The following TTC39B variants were observed in gnomAD, a reference collection of about 807,000 sequenced individuals.
TTC39B encodes the protein tetratricopeptide repeat protein 39B.
In TTC39B, 92 loss-of-function variants were observed where a neutral mutation model predicts 96.6. That is an observed-to-expected ratio of 0.95 (90% CI 0.80 to 1.13). The LOEUF (loss-of-function observed/expected upper bound fraction) is 1.13, where lower values mean the gene tolerates loss of function less well. TTC39B is among the 50% of genes most tolerant of loss of function. The pLI, the probability that TTC39B is intolerant of heterozygous loss-of-function variation, is 0.00. For missense variants in TTC39B, 955 were observed against 809.3 expected (o/e 1.18, Z -2.18); for synonymous variants, 367 against 299.4 (o/e 1.23, Z -2.33).
At chr9:15,276,764 T>C (rs1223757958) in intron 1 of TTC39B, among the ~76,000 whole-genome samples, 1 of 152,192 alleles carries the variant, frequency 6.6e-6, no homozygotes, top group Non-Finnish European at 1.5e-5. Context: ...AGCCTTTCAA[T>C]CCTCTACTTC....
At chr9:15,292,337 G>T (rs376849065) in intron 1 of TTC39B, among the ~76,000 whole-genome samples, 40 of 152,262 alleles carry the variant, frequency 2.6e-4, no homozygotes, top group African/African-American at 9.4e-4. Context: ...ATAACACACA[G>T]TGCAATGAGT....
At chr9:15,273,076 T>C (rs958517370) in intron 1 of TTC39B, among the ~76,000 whole-genome samples, 2 of 152,212 alleles carry the variant, frequency 1.3e-5, no homozygotes, top group African/African-American at 4.8e-5. Flanking sequence ...CTTTGTCATA[T>C]TCTGAGTAGC....
chr9:15,248,916 T>A (rs1183777893), intron 2 of TTC39B: 3 of 152,228 alleles, frequency 2.0e-5, no homozygotes, highest in Admixed American at 2.0e-4. Context: ...CAACGATGAC[T>A]GTTACCAGTT....
At chr9:15,216,186 C>A (rs1305898079) in intron 3 of TTC39B, among the ~76,000 whole-genome samples, 1 of 152,176 alleles carries the variant, frequency 6.6e-6, no homozygotes, top group Non-Finnish European at 1.5e-5. Context: ...GTGCATGTAG[C>A]ATTTGTAGAC....
At chr9:15,266,852 G>A (rs867357712) in intron 2 of TTC39B, among the ~76,000 whole-genome samples, 1 of 152,134 alleles carries the variant, frequency 6.6e-6, no homozygotes, top group Non-Finnish European at 1.5e-5. Context: ...GGACAAGAGG[G>A]GCAGATCACG....
At chr9:15,285,667 A>T (rs912054942) in intron 1 of TTC39B, among the ~76,000 whole-genome samples, 8 of 152,186 alleles carry the variant, frequency 5.3e-5, no homozygotes, top group Non-Finnish European at 1.2e-4. Flanking sequence ...ATCCTGGCTA[A>T]CACGATGAAA....
chr9:15,259,019 T>C (rs1822854499), intron 2 of TTC39B, among the ~76,000 whole-genome samples: 1 of 152,078 alleles, frequency 6.6e-6, no homozygotes, highest in South Asian at 2.1e-4. Context: ...AGAGTAGATC[T>C]AACAGGACAA....
At chr9:15,237,575 G>T (rs576019469) in intron 2 of TTC39B, among the ~76,000 whole-genome samples, 27 of 149,536 alleles carry the variant, frequency 1.8e-4, no homozygotes, top group Admixed American at 2.7e-4. Flanking sequence ...TCCCAAGATT[G>T]AAACAGAAAG....
intron 1 of TTC39B, among the ~76,000 whole-genome samples, chr9:15,305,122 G>A (rs1391393375): frequency 6.6e-6 from 1 of 152,148 alleles, no homozygotes; most frequent in Admixed American, 6.5e-5. Context: ...TGAACTCGAG[G>A]TTAGAGTTCT....
intron 1 of TTC39B, among the ~76,000 whole-genome samples, chr9:15,274,536 T>G (rs775662344): frequency 1.2e-4 from 18 of 152,178 alleles, no homozygotes; most frequent in Non-Finnish European, 2.4e-4. Context: ...AGGATTAGCA[T>G]CAAAGCAAGT....
At chr9:15,297,684 C>CAAACA (rs1824430209) in intron 1 of TTC39B, among the ~76,000 whole-genome samples, 1 of 152,128 alleles carries the variant, frequency 6.6e-6, no homozygotes, top group Non-Finnish European at 1.5e-5. Flanking sequence ...AATCATTCAA[C>CAAACA]AAACAAAACA....
chr9:15,290,977 C>T (rs1054926767), intron 1 of TTC39B, among the ~76,000 whole-genome samples: 1 of 152,156 alleles, frequency 6.6e-6, no homozygotes, highest in Admixed American at 6.5e-5. Context: ...CAAAGCACAC[C>T]TTAATAAAGC....
chr9:15,230,897 A>C (rs1275087937), intron 2 of TTC39B, among the ~76,000 whole-genome samples: 1 of 152,060 alleles, frequency 6.6e-6, no homozygotes. Flanking sequence ...AGGCAGGAGA[A>C]TTGCTTGAAC....
chr9:15,242,679 C>G (rs1822098725), intron 2 of TTC39B, among the ~76,000 whole-genome samples: 1 of 152,150 alleles, frequency 6.6e-6, no homozygotes, highest in African/African-American at 2.4e-5. Context: ...GTTCATCCTT[C>G]TAGACCACCT....
intron 1 of TTC39B, among the ~76,000 whole-genome samples, chr9:15,275,300 C>G (rs140531557): frequency 1.1e-4 from 16 of 152,322 alleles, no homozygotes; most frequent in African/African-American, 3.4e-4. Flanking sequence ...CTCGGCCTCC[C>G]AAAGTGCTGG....
chr9:15,281,837 C>G (rs905857615), intron 1 of TTC39B, among the ~76,000 whole-genome samples: 1 of 151,808 alleles, frequency 6.6e-6, no homozygotes, highest in Non-Finnish European at 1.5e-5. Context: ...CCATGTAGTC[C>G]GGCTAATTTT....
At chr9:15,226,941 G>T (rs1201389450) in intron 2 of TTC39B, among the ~76,000 whole-genome samples, 1 of 152,032 alleles carries the variant, frequency 6.6e-6, no homozygotes, top group Non-Finnish European at 1.5e-5. Flanking sequence ...AAGAGGTAAA[G>T]TCATTAAAAA....
exon 11 of TTC39B, chr9:15,190,577 T>A (rs775912729): frequency 1.2e-6 from 2 of 1,613,986 alleles, no homozygotes; most frequent in Non-Finnish European, 1.7e-6. Flanking sequence ...GATGTAAGTA[T>A]GAAAAGCTAA....
chr9:15,265,610 A>G (rs1310396644), intron 2 of TTC39B, among the ~76,000 whole-genome samples: 1 of 152,246 alleles, frequency 6.6e-6, no homozygotes, highest in East Asian at 1.9e-4. Context: ...AAAATCACAT[A>G]AACAGATTAT....
Sources: allele counts gnomAD v4.1 joint callset (sites outside exome capture counted in the v4.1 genomes callset), GRCh38; gene constraint gnomAD v4.1.1; transcripts MANE v1.5; gene names NCBI Gene and HGNC (gene_info 2026-07-23, HGNC 2026-07-21).